PADI4: variants seen among roughly 807,000 people sequenced by gnomAD.
PADI4 encodes the protein protein-arginine deiminase type-4.
PADI4 carries 62 observed loss-of-function variants against 75.0 expected under a neutral mutation model. That is an observed-to-expected ratio of 0.83 (90% confidence interval 0.67 to 1.02). PADI4 has a LOEUF of 1.02. Ranked by LOEUF, PADI4 falls within the 50% of genes least tolerant of loss-of-function variation. PADI4 has a pLI of 0.00. For missense variants in PADI4, 845 were observed against 850.5 expected (o/e 0.99, Z 0.08); for synonymous variants, 361 against 348.1 (o/e 1.04, Z -0.41).
At chr1:17,341,861 G>C (rs1039144496) in intron 6 of PADI4, 82 bp from the exon 7 acceptor site, 5 of 1,065,626 alleles carry the variant, frequency 4.7e-6, no homozygotes, top group Non-Finnish European at 6.9e-6. Context: ...CCTGGGAAAG[G>C]CTTCTGGGGA....
At chr1:17,327,123 G>A (rs970468427) in intron 1 of PADI4, among the ~76,000 whole-genome samples, 1 of 152,050 alleles carries the variant, frequency 6.6e-6, no homozygotes, top group African/African-American at 2.4e-5. Flanking sequence ...ATATTGCTCA[G>A]GCTGGTCTTA....
Position 17,334,039 on chromosome 1 carries a change from GTCTCATCC to G in PADI4, c.340+31_340+38del, listed in dbSNP as rs781531376. On this transcript the variant is annotated intron_variant, in intron 3 of 15. Transcript: ENST00000375448. ...GTGACAACCAGGATCCTAGAGTGCC[GTCTCATCC>G]CCTGCCCACCTCCTAATCCCTGCAG... The G allele has an allele frequency of 8.4e-6, 12 of 1,420,148 alleles. No individual in the cohort carries two copies. In the South Asian group the frequency reaches 1.3e-4, roughly 15 times the overall value. The allele number at this position is 1,420,148 out of a possible 1,614,324, so 88.0% of individuals were successfully genotyped here. A position where few individuals can be genotyped will look rare whatever the true frequency, so the allele number is the denominator to read the frequency against.
At chr1:17,321,504 G>C (rs554090137) in intron 1 of PADI4, among the ~76,000 whole-genome samples, 91 of 152,220 alleles carry the variant, frequency 6.0e-4, no homozygotes, top group Admixed American at 1.3e-3. Context: ...ATTAATTAAC[G>C]TGTGGAAAGA....
intron 15 of PADI4, among the ~76,000 whole-genome samples, chr1:17,362,986 C>T (rs979625020): frequency 2.0e-5 from 3 of 152,088 alleles, no homozygotes; most frequent in Non-Finnish European, 2.9e-5. Context: ...CTGGCTCATT[C>T]TTGTATTTTT....
intron 1 of PADI4, among the ~76,000 whole-genome samples, chr1:17,317,138 C>T (rs2073954658): frequency 6.6e-6 from 1 of 152,192 alleles, no homozygotes; most frequent in Admixed American, 6.5e-5. Context: ...GTTGCCCAGG[C>T]TGGTCTCAAA....
intron 1 of PADI4, among the ~76,000 whole-genome samples, chr1:17,326,861 C>CTT (rs1449676280): frequency 6.8e-6 from 1 of 147,778 alleles, no homozygotes; most frequent in African/African-American, 2.5e-5. Context: ...TTGTCAACTT[C>CTT]TTTTCCCTAT....
chr1:17,346,974 G>A lies in PADI4; in HGVS notation c.1047+835G>A, dbSNP rs1014790074. Among the ~76,000 whole-genome samples, 4 of 142,340 alleles carry A rather than the reference G, an allele frequency of 2.8e-5. No homozygotes were observed. Among genetic ancestry groups the A allele is most frequent in the South Asian group, 2.2e-4 (1 of 4,560 alleles). The allele number at this position is 142,340 out of a possible 152,430, so 93.4% of individuals were successfully genotyped here. A position where few individuals can be genotyped will look rare whatever the true frequency, so the allele number is the denominator to read the frequency against. On this transcript the variant is annotated intron_variant, in intron 9 of 15. Coordinates refer to ENST00000375448, the MANE Select transcript of PADI4 (RefSeq NM_012387.3). The surrounding 1 kb of genome is among the most constrained non-coding windows in gnomAD (Gnocchi z 4.3). ...TTCTTTTCTTTTTTTTTTCACTCTTGTTGCCCAGGCTGGAGTGCAATGGCT... is the reference window on the plus strand; with the variant it reads ...TTCTTTTCTTTTTTTTTTCACTCTTATTGCCCAGGCTGGAGTGCAATGGCT...
intron 1 of PADI4, among the ~76,000 whole-genome samples, chr1:17,311,437 G>A (rs1198897044): frequency 2.0e-5 from 3 of 152,100 alleles, no homozygotes; most frequent in African/African-American, 7.2e-5. Flanking sequence ...AAGGGGTGGG[G>A]GTCCAGGAGG....
Position 17,356,304 on chromosome 1 carries a change from T to C in PADI4, c.1456-53T>C. On this transcript the variant is annotated intron_variant, in intron 12 of 15. Transcript: ENST00000375448. This position sits in a 1 kb window ranked among gnomAD's most constrained non-coding sequence, Gnocchi z 4.1. ...CCCACCCTCAGCAGATCCACCCTCG[T>C]TGGGAGCTCCAGGGGCAAAGCTGAC... is the stretch of plus-strand genomic sequence containing the variant. 2 of 1,379,078 alleles carry C rather than the reference T, an allele frequency of 1.5e-6. No homozygotes were observed. The highest frequency in any genetic ancestry group is 2.6e-5 in the South Asian group (2 of 77,066). 85.4% of individuals were successfully genotyped at this position (1,379,078 alleles called of 1,614,324 possible).
intron 10 of PADI4, among the ~76,000 whole-genome samples, chr1:17,353,541 G>A (rs2074704428): frequency 6.6e-6 from 1 of 152,150 alleles, no homozygotes; most frequent in Non-Finnish European, 1.5e-5. Context: ...CTCAGGGAAT[G>A]GACCATCTAT....
In PADI4 at chr1:17,359,384, G is replaced by A. The variant is rs776194576; in HGVS notation, c.1734G>A (p.Lys578=). 47 of 1,614,026 alleles carry A rather than the reference G, an allele frequency of 2.9e-5. 1 individual carries two copies. The Middle Eastern group carries it at 6.6e-4, about 23-fold the overall frequency. ...TCTTCAAGCTCAAAGAGTTCTCTAAGGCGGAAGCTTTTTTCCCCAACATGG... is the reference window on the plus strand; with the variant it reads ...TCTTCAAGCTCAAAGAGTTCTCTAAAGCGGAAGCTTTTTTCCCCAACATGG... The part of the protein sequence containing the change: ...PQLFKLKEFS[K]AEAFFPNMVN... The change falls in exon 15 of 16, where the codon AAG becomes AAA. Residue 578 remains lysine, a synonymous_variant. Coordinates refer to ENST00000375448, the MANE Select transcript of PADI4 (RefSeq NM_012387.3).
intron 6 of PADI4, 104 bp from the exon 7 acceptor site, chr1:17,341,839 C>T (rs2100740767): frequency 1.3e-6 from 1 of 798,408 alleles, no homozygotes; most frequent in South Asian, 1.7e-5. Flanking sequence ...TCTGATGGTG[C>T]CATGTGGTGA....
intron 8 of PADI4, among the ~76,000 whole-genome samples, chr1:17,345,192 A>G (rs1019702947): frequency 6.6e-6 from 1 of 152,270 alleles, no homozygotes; most frequent in South Asian, 2.1e-4. Context: ...TTGGACTTGC[A>G]TGGGCCCTGT....
chr1:17,331,343 G>A (rs1266780805), intron 2 of PADI4, among the ~76,000 whole-genome samples, 194 bp downstream of exon 2: 5 of 152,168 alleles, frequency 3.3e-5, no homozygotes, highest in Admixed American at 2.6e-4. Flanking sequence ...ATGGAGGTCA[G>A]GGTTTAGATT....
At chr1:17,337,903 G>A (rs1000142498) in intron 4 of PADI4, 135 bp from the exon 5 acceptor site, 15 of 352,808 alleles carry the variant, frequency 4.3e-5, no homozygotes, top group Non-Finnish European at 7.2e-5. Context: ...AGCAGAGGGA[G>A]ACTCCGTCTC....
chr1:17,335,890 G>T (rs945916169), intron 3 of PADI4, among the ~76,000 whole-genome samples: 3 of 152,230 alleles, frequency 2.0e-5, no homozygotes, highest in Non-Finnish European at 4.4e-5. Context: ...GACGTGCAGG[G>T]TCTGGTGGAC....
chr1:17,316,755 A>G (rs1431086763), intron 1 of PADI4, among the ~76,000 whole-genome samples: 1 of 151,730 alleles, frequency 6.6e-6, no homozygotes. Flanking sequence ...AAATAAAATA[A>G]CACCCCTGCC....
chr1:17,334,477 A>G (rs775876991), intron 3 of PADI4: 2 of 441,498 alleles, frequency 4.5e-6, no homozygotes, highest in African/African-American at 4.1e-5. Flanking sequence ...TAATTTTTGT[A>G]TTTTTAGTAG....
chr1:17,352,702 G>A, intron 10 of PADI4, among the ~76,000 whole-genome samples: 1 of 152,158 alleles, frequency 6.6e-6, no homozygotes, highest in Non-Finnish European at 1.5e-5. Context: ...TGTGGGAGGA[G>A]GAACAGATTG....
Sources: allele counts gnomAD v4.1 joint callset (sites outside exome capture counted in the v4.1 genomes callset), GRCh38; gene constraint gnomAD v4.1.1; non-coding constraint Gnocchi (gnomAD v3.1); transcripts MANE v1.5; gene names NCBI Gene and HGNC (gene_info 2026-07-23, HGNC 2026-07-21).